Variants in CAP2 observed in about 807,000 individuals in gnomAD.
CAP2 encodes adenylyl cyclase-associated protein 2.
Under a neutral mutation model 57.7 loss-of-function variants are expected in CAP2, and 24 were observed. The ratio of observed to expected loss-of-function variants is 0.42; its 90% CI spans 0.30 to 0.58. The LOEUF is 0.58. Ranked by LOEUF, CAP2 falls within the 20% of genes least tolerant of loss-of-function variation. The probability of loss-of-function intolerance (pLI) is 0.22; values close to 1 mark genes in which losing one functional copy is unlikely to be tolerated. For missense variants in CAP2, 501 were observed against 590.3 expected, an observed-to-expected ratio of 0.85 and a Z score of 1.57; for synonymous variants, 194 against 207.2, an observed-to-expected ratio of 0.94 and a Z score of 0.55.
At chr6:17,508,593 A>G (rs6459551) in intron 6 of CAP2, among the ~76,000 whole-genome samples, 104,346 of 151,906 alleles carry the variant, frequency 0.69, 36,201 homozygotes, top group East Asian at 0.74. Flanking sequence ...CCCTGGACTC[A>G]AGAGTGGATC....
chr6:17,488,690 G>C (rs1761478070), intron 4 of CAP2, among the ~76,000 whole-genome samples: 1 of 152,190 alleles, frequency 6.6e-6, no homozygotes, highest in South Asian at 2.1e-4. Context: ...AAGAGAATTA[G>C]CATCTATCTT....
At chr6:17,484,880 T>C (rs1316203398) in intron 4 of CAP2, among the ~76,000 whole-genome samples, 1 of 152,234 alleles carries the variant, frequency 6.6e-6, no homozygotes, top group East Asian at 1.9e-4. Context: ...CTCGTCCTGT[T>C]GCTTCTCTGG....
intron 12 of CAP2, among the ~76,000 whole-genome samples, chr6:17,551,845 G>A (rs1299530537): frequency 7.9e-5 from 12 of 152,238 alleles, no homozygotes; most frequent in African/African-American, 1.7e-4. Flanking sequence ...ATGGACCAGC[G>A]TTTATCAAAT....
intron 3 of CAP2, among the ~76,000 whole-genome samples, chr6:17,446,426 C>T (rs1760259436): frequency 6.6e-6 from 1 of 152,046 alleles, no homozygotes. Flanking sequence ...TGCTTTGGTG[C>T]TTAGCAACCA....
rs1231230410 is a variant in CAP2 at position 17,432,968 on chromosome 6, CT to C, written c.222+6279del. 4.6e-3 allele frequency among the ~76,000 whole-genome samples: 661 copies of C among 142,708 alleles called. 5 individuals are homozygous for C. Among genetic ancestry groups the C allele is most frequent in the African/African-American group, 0.017 (601 of 34,602 alleles). 93.6% of individuals were successfully genotyped at this position (142,708 alleles called of 152,430 possible). A position where few individuals can be genotyped will look rare whatever the true frequency, so the allele number is the denominator to read the frequency against. ...CCCTCCCTCCCTCCCTCTCTCCCCC[CT>C]CCCTCCCTCTCTCCCTTCCATCCGT... On this transcript the variant is annotated intron_variant, in intron 3 of 12. Transcript: ENST00000229922.
At chr6:17,401,228 A>G (rs1758807422) in intron 1 of CAP2, among the ~76,000 whole-genome samples, 1 of 152,190 alleles carries the variant, frequency 6.6e-6, no homozygotes. Flanking sequence ...TGCCCTTATG[A>G]AAGAGAACCA....
chr6:17,509,464 G>C (rs546340285), intron 6 of CAP2, among the ~76,000 whole-genome samples: 1 of 152,114 alleles, frequency 6.6e-6, no homozygotes, highest in African/African-American at 2.4e-5. Flanking sequence ...GATCACTTGA[G>C]GTCAGGAGTT....
intron 4 of CAP2, among the ~76,000 whole-genome samples, chr6:17,463,409 G>C (rs192171108): frequency 6.6e-6 from 1 of 152,042 alleles, no homozygotes. Flanking sequence ...GAGTTGACTT[G>C]TGTGATCTTT....
intron 6 of CAP2, among the ~76,000 whole-genome samples, chr6:17,508,782 A>G (rs6459552): frequency 0.12 from 18,151 of 147,158 alleles, 1,174 homozygotes; most frequent in East Asian, 0.24. Context: ...ATGGAGTCTC[A>G]CTCTGTTGCC....
chr6:17,493,948 C>A (rs765296454), intron 4 of CAP2, among the ~76,000 whole-genome samples: 1 of 152,088 alleles, frequency 6.6e-6, no homozygotes, highest in South Asian at 2.1e-4. Context: ...CAGTTGATGG[C>A]GACTCCATCC....
chr6:17,533,728 G>A (rs201792168), intron 7 of CAP2, among the ~76,000 whole-genome samples: 4 of 151,816 alleles, frequency 2.6e-5, no homozygotes, highest in African/African-American at 9.7e-5. Flanking sequence ...GCACCATGCC[G>A]AGCTAATTTT....
At chr6:17,466,742 G>A (rs919848074) in intron 4 of CAP2, among the ~76,000 whole-genome samples, 8 of 152,124 alleles carry the variant, frequency 5.3e-5, no homozygotes, top group Admixed American at 2.6e-4. Context: ...ATCCCAACAA[G>A]CACAGAATCC....
chr6:17,397,860 TC>T (rs1473915178), intron 1 of CAP2, among the ~76,000 whole-genome samples: 2 of 152,056 alleles, frequency 1.3e-5, no homozygotes, highest in East Asian at 3.9e-4. Flanking sequence ...AGACTTTTTT[TC>T]CATGTGTCTT....
chr6:17,438,401 T>G (rs9383282), intron 3 of CAP2, among the ~76,000 whole-genome samples: 67,623 of 138,762 alleles, frequency 0.49, 18,114 homozygotes, highest in East Asian at 0.85. Flanking sequence ...TTATGTTGGT[T>G]TTTTTGTTTG....
chr6:17,530,535 G>A (rs1762616039), intron 7 of CAP2, among the ~76,000 whole-genome samples: 1 of 152,166 alleles, frequency 6.6e-6, no homozygotes, highest in African/African-American at 2.4e-5. Context: ...ACAAAAGGGA[G>A]TGTGTGTTTG....
At chr6:17,526,322 T>G (rs1384755437) in intron 7 of CAP2, among the ~76,000 whole-genome samples, 5 of 152,058 alleles carry the variant, frequency 3.3e-5, no homozygotes, top group African/African-American at 1.2e-4. Flanking sequence ...TTCACCATGT[T>G]GGCCAGGCTG....
intron 4 of CAP2, among the ~76,000 whole-genome samples, chr6:17,491,590 T>G (rs1052455220): frequency 6.6e-6 from 1 of 152,202 alleles, no homozygotes; most frequent in Non-Finnish European, 1.5e-5. Context: ...CTCAGACTAG[T>G]GTGAACGATA....
chr6:17,421,340 C>A (rs1397006657), intron 1 of CAP2, among the ~76,000 whole-genome samples: 2 of 152,122 alleles, frequency 1.3e-5, no homozygotes, highest in African/African-American at 2.4e-5. Flanking sequence ...CACTAAAGAA[C>A]TTATCCATGT....
rs145067625 is a variant in CAP2 at position 17,513,932 on chromosome 6, C to T, written c.614C>T (p.Thr205Met). 66 of 1,612,160 alleles carry T rather than the reference C, an allele frequency of 4.1e-5. 1 individual carries two copies. The African/African-American group carries it at 6.4e-4, about 16-fold the overall frequency. ...LQAYIKEHHT[T>M]GLTWSKTGPV... ...GCATACATCAAGGAACACCACACCA[C>T]GGGCCTCACATGGAGCAAAACAGTG... The change falls in exon 7 of 13, where the codon ACG becomes ATG. Residue 205 changes from threonine (T) to methionine (M), a missense_variant. Transcript: ENST00000229922. This position sits in a 1 kb window ranked among gnomAD's most constrained non-coding sequence, Gnocchi z 4.3.
Sources: gnomAD v4.1 joint callset for allele counts (sites outside exome capture counted in the v4.1 genomes callset) on GRCh38, gnomAD v4.1.1 for gene constraint, Gnocchi (gnomAD v3.1) non-coding constraint, MANE v1.5 for transcripts, NCBI Gene and HGNC (gene_info 2026-07-23, HGNC 2026-07-21) for gene names.